The following NAA35 variants were observed in gnomAD, a reference collection of about 807,000 sequenced individuals.
NAA35 encodes the protein MAK10 homolog, amino-acid N-acetyltransferase subunit.
In NAA35, 18 loss-of-function variants were observed where a neutral mutation model predicts 101.7. The ratio of observed to expected loss-of-function variants is 0.18; its 90% CI spans 0.12 to 0.26. NAA35 has a LOEUF of 0.26. Ranked by LOEUF, NAA35 falls within the 10% of genes least tolerant of loss-of-function variation. The pLI is 1.00. For synonymous variants in NAA35, 267 were observed against 273.1 expected (o/e 0.98, Z 0.22); for missense variants, 601 against 886.8 (o/e 0.68, Z 4.09).
At chr9:86,020,854 G>A (rs910650377) in intron 21 of NAA35, 35 bp from the exon 22 acceptor site, 1 of 1,518,570 alleles carries the variant, frequency 6.6e-7, no homozygotes, top group Non-Finnish European at 9.1e-7. Flanking sequence ...TGACTATGAA[G>A]TTAATGTTTC....
At position 86,011,920 on chromosome 9, in the gene NAA35, CATATA is replaced by C. The variant is rs545338496; in HGVS notation, c.1291-1120_1291-1116del. Among the ~76,000 whole-genome samples the C allele has an allele frequency of 4.6e-3, 625 of 134,830 alleles. 5 individuals carry two copies. Among genetic ancestry groups the C allele is most frequent in the African/African-American group, 0.016 (569 of 36,274 alleles). 88.5% of individuals were successfully genotyped at this position (134,830 alleles called of 152,430 possible). On this transcript the variant is annotated intron_variant, in intron 15 of 22. Transcript: ENST00000361671. ...ATATATATTAATATATATTATATAT[CATATA>C]ATATATACTATAATATATAATATAG...
chr9:86,021,151 G>A (rs1262871664), intron 22 of NAA35, among the ~76,000 whole-genome samples, 182 bp downstream of exon 22: 1 of 152,148 alleles, frequency 6.6e-6, no homozygotes, highest in Non-Finnish European at 1.5e-5. Context: ...GTATTTTGTT[G>A]AGTTAAAATT....
At chr9:85,954,628 C>CT (rs1446354852) in intron 2 of NAA35, among the ~76,000 whole-genome samples, 1 of 151,978 alleles carries the variant, frequency 6.6e-6, no homozygotes, top group South Asian at 2.1e-4. Flanking sequence ...AAATTTTTGT[C>CT]TTTTTTTAGC....
At position 86,023,241 on chromosome 9, in the gene NAA35, TA is replaced by T. The variant is rs1223675810; in HGVS notation, c.*1289del. 2.6e-5 allele frequency among the ~76,000 whole-genome samples: 4 copies of T among 152,022 alleles called. No individual in the cohort carries two copies. The highest frequency in any genetic ancestry group is 4.1e-4 in the South Asian group (2 of 4,830). On this transcript the variant is annotated 3_prime_UTR_variant, in exon 23 of 23. Transcript: ENST00000361671. ...CTGAAATTTCAGAACCGAAAAATCT[TA>T]AAAAAAATTATTTTTTAAGTAGCCT...
At chr9:85,990,116 G>T (rs1320469752) in intron 11 of NAA35, among the ~76,000 whole-genome samples, 1 of 152,218 alleles carries the variant, frequency 6.6e-6, no homozygotes, top group East Asian at 1.9e-4. Context: ...TTCTGGTGAG[G>T]CCATGCACTG....
At chr9:85,951,137 CAAA>C (rs563456145) in intron 2 of NAA35, among the ~76,000 whole-genome samples, 2 of 86,064 alleles carry the variant, frequency 2.3e-5, no homozygotes, top group Non-Finnish European at 2.5e-5. Context: ...GACTCCATCT[CAAA>C]AAAAAAAAAA....
intron 4 of NAA35, 124 bp from the exon 5 acceptor site, chr9:85,959,669 T>C (rs535743567): frequency 1.6e-6 from 1 of 609,416 alleles, no homozygotes; most frequent in African/African-American, 1.8e-5. Flanking sequence ...GATGATAAGA[T>C]AGCATTTTCT....
At chr9:85,975,644 C>A (rs115287404) in intron 8 of NAA35, among the ~76,000 whole-genome samples, 2 of 152,120 alleles carry the variant, frequency 1.3e-5, no homozygotes, top group Non-Finnish European at 2.9e-5. Flanking sequence ...TTTCAATCAG[C>A]GGTTGGTTGA....
intron 12 of NAA35, among the ~76,000 whole-genome samples, chr9:85,997,751 C>G (rs1308016705): frequency 6.6e-6 from 1 of 152,132 alleles, no homozygotes; most frequent in African/African-American, 2.4e-5. Flanking sequence ...CCCAAAGTGC[C>G]AGGATTATAG....
At chr9:86,010,640 T>G (rs1392646820) in intron 15 of NAA35, among the ~76,000 whole-genome samples, 1 of 147,664 alleles carries the variant, frequency 6.8e-6, no homozygotes, top group African/African-American at 2.5e-5. Context: ...AGTGGCGCAA[T>G]CTTGGCTCAC....
chr9:85,997,255 C>T (rs899198210), intron 12 of NAA35, among the ~76,000 whole-genome samples: 5 of 152,042 alleles, frequency 3.3e-5, no homozygotes, highest in Non-Finnish European at 7.4e-5. Flanking sequence ...AGCTACTGCG[C>T]TCTGCCTAGC....
At chr9:86,017,003 G>GT (rs573262828) in intron 18 of NAA35, among the ~76,000 whole-genome samples, 1 of 152,252 alleles carries the variant, frequency 6.6e-6, no homozygotes, top group Non-Finnish European at 1.5e-5. Flanking sequence ...GAGGGCAGTA[G>GT]TTCTGGAGCT....
intron 6 of NAA35, among the ~76,000 whole-genome samples, chr9:85,966,427 A>G (rs1466348891): frequency 6.6e-6 from 1 of 152,252 alleles, no homozygotes; most frequent in Non-Finnish European, 1.5e-5. Flanking sequence ...GGCCCAAATG[A>G]ATAAATGGGC....
Position 85,974,213 on chromosome 9 carries a change from T to C in NAA35, c.517-754T>C, listed in dbSNP as rs373747594. On this transcript the variant is annotated intron_variant, in intron 6 of 22. Transcript: ENST00000361671. ...ACCTCAGGTAATCCACCCGCCTCGG[T>C]CTCCCAAAGTGCTGGGATTATAGGC... Among the ~76,000 whole-genome samples, 438 of 152,104 alleles carry C rather than the reference T, an allele frequency of 2.9e-3. 5 individuals carry two copies. In the South Asian group the frequency reaches 0.034, roughly 12 times the overall value.
In NAA35 at chr9:86,018,729, C is replaced by G; in HGVS notation, c.1945C>G (p.Pro649Ala). 6.2e-7 allele frequency: 1 copy of G among 1,614,024 alleles called. No individual in the cohort carries two copies. The highest frequency in any genetic ancestry group is 8.5e-7 in the Non-Finnish European group (1 of 1,179,986). ...GTCTGACCTCAATAAATATAGCCCT[C>G]CTCCTCAGTCTCCTGAACTGTATGT... ...EMSDLNKYSP[P>A]PQSPELYVAA... is the part of the protein sequence containing the mutation. Residue 649 changes from proline (P) to alanine (A), a missense_variant, in exon 21 of 23, where the codon CCT (proline) becomes GCT (alanine). Physicochemically the swap from Pro to Ala is conservative, Grantham distance 27. This residue lies in a region of NAA35 where 90 missense variants were observed against 108.7 expected (regional missense o/e 0.83). Transcript: ENST00000361671.
At chr9:86,009,736 C>A (rs1831815276) in intron 14 of NAA35, 129 bp from the exon 15 acceptor site, 1 of 644,608 alleles carries the variant, frequency 1.6e-6, no homozygotes. Flanking sequence ...TACTGAAATT[C>A]TTTAACTTAG....
chr9:85,955,360 A>ATATATATTT (rs749448250), intron 2 of NAA35, among the ~76,000 whole-genome samples: 2 of 53,932 alleles, frequency 3.7e-5, no homozygotes, highest in African/African-American at 7.7e-5. Context: ...ATATATATAT[A>ATATATATTT]TTTTTTTTTT....
chr9:85,988,172 C>G (rs759490161), intron 11 of NAA35, among the ~76,000 whole-genome samples: 1 of 152,162 alleles, frequency 6.6e-6, no homozygotes, highest in Non-Finnish European at 1.5e-5. Flanking sequence ...TAACACCTCA[C>G]TCAAAAAACT....
At chr9:85,988,361 T>C (rs1830739413) in intron 11 of NAA35, among the ~76,000 whole-genome samples, 1 of 151,936 alleles carries the variant, frequency 6.6e-6, no homozygotes, top group African/African-American at 2.4e-5. Flanking sequence ...AAAGCGAAAA[T>C]ATTAAGACTA....
Sources: allele counts gnomAD v4.1 joint callset (sites outside exome capture counted in the v4.1 genomes callset), GRCh38; gene constraint gnomAD v4.1.1; regional missense constraint gnomAD v4.1.1; transcripts MANE v1.5; gene names NCBI Gene and HGNC (gene_info 2026-07-23, HGNC 2026-07-21).